The following KIF6 variants were observed in gnomAD, a reference collection of about 807,000 sequenced individuals.
The protein encoded by KIF6 is kinesin family member 6.
In KIF6, 106 loss-of-function variants were observed where a neutral mutation model predicts 112.7. That is an observed-to-expected ratio of 0.94 (90% CI 0.80 to 1.11). KIF6 has a LOEUF of 1.11. Ranked by LOEUF, KIF6 falls within the 50% of genes least tolerant of loss-of-function variation. The pLI is 0.00. For missense variants in KIF6, 929 were observed against 964.0 expected (o/e 0.96, Z 0.48); for synonymous variants, 339 against 339.9 (o/e 1.00, Z 0.03).
At chr6:39,454,346 A>C (rs1215861818) in intron 13 of KIF6, among the ~76,000 whole-genome samples, 1 of 152,158 alleles carries the variant, frequency 6.6e-6, no homozygotes, top group Non-Finnish European at 1.5e-5. Flanking sequence ...CACATGTGTA[A>C]TAGGAAGCTC....
chr6:39,721,751 T>C (rs899528247), intron 1 of KIF6, among the ~76,000 whole-genome samples: 2 of 149,310 alleles, frequency 1.3e-5, no homozygotes, highest in Non-Finnish European at 3.0e-5. Context: ...AATGATGTAA[T>C]GGAAATCACC....
intron 15 of KIF6, among the ~76,000 whole-genome samples, chr6:39,389,183 T>C (rs968990589): frequency 3.9e-5 from 6 of 152,190 alleles, no homozygotes; most frequent in Non-Finnish European, 8.8e-5. Context: ...ATTATCATCA[T>C]GCAGAAGTGA....
intron 5 of KIF6, 98 bp downstream of exon 5, chr6:39,634,748 AATT>A (rs1784535348): frequency 1.3e-6 from 1 of 785,548 alleles, no homozygotes; most frequent in African/African-American, 1.7e-5. Context: ...AGTATTTGCT[AATT>A]ATGATTGAGA....
At chr6:39,436,944 GATTGCTT>G (rs1771570599) in intron 13 of KIF6, among the ~76,000 whole-genome samples, 1 of 152,022 alleles carries the variant, frequency 6.6e-6, no homozygotes, top group Non-Finnish European at 1.5e-5. Context: ...TGAATCTGTA[GATTGCTT>G]TAGGCAGTAT....
chr6:39,630,719 G>A (rs1366048895), intron 5 of KIF6, among the ~76,000 whole-genome samples: 1 of 152,014 alleles, frequency 6.6e-6, no homozygotes, highest in Non-Finnish European at 1.5e-5. Flanking sequence ...TGTTGAATTA[G>A]AGTGGTGAGA....
At chr6:39,610,506 T>A (rs1298649805) in intron 6 of KIF6, among the ~76,000 whole-genome samples, 2 of 152,210 alleles carry the variant, frequency 1.3e-5, no homozygotes, top group African/African-American at 4.8e-5. Context: ...CTTCGTTTTT[T>A]AAAAAAATGA....
intron 16 of KIF6, among the ~76,000 whole-genome samples, chr6:39,382,967 C>CTTTTTTTTTTTTTTTTTTTTTTT (rs1554204452): frequency 6.7e-6 from 1 of 149,604 alleles, no homozygotes; most frequent in African/African-American, 2.5e-5. Context: ...TGTATGTCTT[C>CTTTTTTTTTTTTTTTTTTTTTTT]TTTTGAGAAG....
chr6:39,617,975 T>C (rs1176404375), intron 5 of KIF6, among the ~76,000 whole-genome samples: 1 of 152,224 alleles, frequency 6.6e-6, no homozygotes, highest in African/African-American at 2.4e-5. Flanking sequence ...CTCTTTATGG[T>C]GAAGGTTTAG....
intron 19 of KIF6, among the ~76,000 whole-genome samples, chr6:39,354,379 T>C (rs998084273): frequency 2.0e-5 from 3 of 152,210 alleles, no homozygotes; most frequent in African/African-American, 4.8e-5. Context: ...GGACAGATGA[T>C]CATATCCCAA....
intron 13 of KIF6, among the ~76,000 whole-genome samples, chr6:39,490,582 T>C (rs1216369748): frequency 6.6e-6 from 1 of 152,176 alleles, no homozygotes; most frequent in Non-Finnish European, 1.5e-5. Flanking sequence ...ATCTAGCTAG[T>C]TCTGGCAAAA....
At chr6:39,595,873 CAA>C (rs773400732) in intron 7 of KIF6, among the ~76,000 whole-genome samples, 179 bp downstream of exon 7, 7 of 152,052 alleles carry the variant, frequency 4.6e-5, no homozygotes, top group Admixed American at 6.6e-5. Flanking sequence ...AATGGTTATA[CAA>C]CTTTATGAAT....
rs1037306212 is a variant in KIF6 at position 39,683,757 on chromosome 6, A to G, written c.251+30935T>C. Among the ~76,000 whole-genome samples, 5 of 152,322 alleles carry G rather than the reference A, an allele frequency of 3.3e-5. 1 individual carries two copies. The highest frequency in any genetic ancestry group is 2.4e-5 in the African/African-American group (1 of 41,574). On this transcript the variant is annotated intron_variant, in intron 3 of 22. Coordinates refer to ENST00000287152, the MANE Select transcript of KIF6 (RefSeq NM_145027.6). ...AGCCGAGTGGGTAAGGGAATAGGAT[A>G]GTGTGTATCTGTTTGGGTCATCCTC...
chr6:39,601,713 C>CACAA (rs1490896876), intron 6 of KIF6, among the ~76,000 whole-genome samples: 2 of 890 alleles, frequency 2.2e-3, no homozygotes, highest in Non-Finnish European at 5.6e-3. Context: ...TTCTTTGGGA[C>CACAA]ACACACACAC....
At chr6:39,583,674 CTTTTTT>C (rs564229262) in intron 9 of KIF6, among the ~76,000 whole-genome samples, 10 of 71,700 alleles carry the variant, frequency 1.4e-4, no homozygotes, top group African/African-American at 3.0e-4. Flanking sequence ...GATTTCACTT[CTTTTTT>C]TTTTTTTTTT....
At chr6:39,454,815 C>A (rs1262868999) in intron 13 of KIF6, among the ~76,000 whole-genome samples, 16 of 152,074 alleles carry the variant, frequency 1.1e-4, no homozygotes, top group Non-Finnish European at 1.9e-4. Flanking sequence ...TTCAGACCGG[C>A]TTAAAAAACG....
chr6:39,419,832 G>T, intron 15 of KIF6, 116 bp downstream of exon 15: 1 of 871,552 alleles, frequency 1.1e-6, no homozygotes, highest in East Asian at 2.4e-5. Flanking sequence ...TCCTTGGCAG[G>T]GGCTCTCCTG....
chr6:39,650,502 C>T (rs140486696), intron 3 of KIF6, among the ~76,000 whole-genome samples: 227 of 151,616 alleles, frequency 1.5e-3, no homozygotes, highest in African/African-American at 5.3e-3. Flanking sequence ...TATATATTTA[C>T]ATTATATTAT....
In KIF6 at chr6:39,544,571, C is replaced by G. The variant is rs776739035; in HGVS notation, c.1410G>C (p.Gln470His). The G allele has an allele frequency of 2.5e-6, 4 of 1,612,384 alleles. No homozygotes were observed. In the East Asian group the frequency reaches 8.9e-5, roughly 36 times the overall value. Reference sequence around the variant, plus strand: ...AAAGGATACTGATTTCGTTATCTCTCTGTTTCAGAATATCTCGTAGCTTTC... The same window carrying G: ...AAAGGATACTGATTTCGTTATCTCTGTGTTTCAGAATATCTCGTAGCTTTC... ...EYRKLRDILK[Q>H]RDNEINILVN... Residue 470 changes from glutamine to histidine, a missense_variant, in exon 12 of 23, where the codon CAG (glutamine) becomes CAC (histidine). Gln to His is a conservative substitution (Grantham distance 24). This residue lies in a region of KIF6 where 688 missense variants were observed against 662.7 expected (regional missense o/e 1.04). Transcript: ENST00000287152.
At chr6:39,683,222 G>A (rs758064150) in intron 3 of KIF6, among the ~76,000 whole-genome samples, 6 of 152,208 alleles carry the variant, frequency 3.9e-5, no homozygotes, top group Non-Finnish European at 5.9e-5. Context: ...TTTGGCTAGT[G>A]AATGGTGACT....
Sources: allele counts gnomAD v4.1 joint callset (sites outside exome capture counted in the v4.1 genomes callset), GRCh38; gene constraint gnomAD v4.1.1; regional missense constraint gnomAD v4.1.1; transcripts MANE v1.5; gene names NCBI Gene and HGNC (gene_info 2026-07-23, HGNC 2026-07-21).